RIF1: variants seen among roughly 807,000 people sequenced by gnomAD.
RIF1 encodes replication timing regulatory factor 1.
RIF1 carries 45 observed loss-of-function variants against 247.1 expected under a neutral mutation model. That is an observed-to-expected ratio of 0.18 (90% CI 0.14 to 0.23). The LOEUF is 0.23. RIF1 is among the 10% of genes least tolerant of loss of function. The pLI, the probability that RIF1 is intolerant of heterozygous loss-of-function variation, is 1.00. For synonymous variants in RIF1, 1,087 were observed against 978.8 expected (o/e 1.11, Z -2.06); for missense variants, 2,967 against 2,862.5 (o/e 1.04, Z -0.83).
rs755969700 is a variant in RIF1, at chr2:151,464,887, T to C, written c.5367T>C (p.Asp1789=). The C allele has an allele frequency of 1.5e-5, 24 of 1,592,968 alleles. No homozygotes were observed. In the East Asian group the frequency reaches 5.4e-4, roughly 36 times the overall value. The part of the protein sequence containing the change: ...ANPYSEGQFL[D]EHHSVNFHLG... Reference sequence around the variant, plus strand: ...CATATTCTGAAGGACAATTTTTAGATGAACATCATAGTGTGAATTTTCATT... The same window carrying C: ...CATATTCTGAAGGACAATTTTTAGACGAACATCATAGTGTGAATTTTCATT... Residue 1789 remains aspartate, a synonymous_variant, in exon 30 of 36, where the codon GAT becomes GAC. Coordinates refer to ENST00000444746, the MANE Select transcript of RIF1 (RefSeq NM_018151.5).
At position 151,493,741 on chromosome 2, in the gene RIF1, G is replaced by C. The variant is rs756558819; in HGVS notation, c.*416-1488G>C. The C allele has an allele frequency of 1.7e-5, 25 of 1,444,216 alleles. No individual in the cohort carries two copies. In the South Asian group the frequency reaches 2.7e-4, roughly 16 times the overall value. The allele number at this position is 1,444,216 out of a possible 1,614,324, so 89.5% of individuals were successfully genotyped here. On this transcript the variant is annotated intron_variant and NMD_transcript_variant, in intron 9 of 13. Transcript: ENST00000454583. The stretch of plus-strand genomic sequence containing the variant: ...CAACCATGTTTGCCAGGGCTGTTAA[G>C]ATTTTAAGGATTTATTTTTCCTTTC...
At position 151,410,016 on chromosome 2, in the gene RIF1, C is replaced by G. The variant is rs771778484; in HGVS notation, c.-28C>G. ...CTGAGGGGCAGAGGCGGAGAGAACC[C>G]TGTCCTGATCTTCCTAGGTGGGATA... On this transcript the variant is annotated 5_prime_UTR_variant, in exon 1 of 36. Transcript: ENST00000444746. 20 of 702,776 alleles carry G rather than the reference C, an allele frequency of 2.8e-5. No homozygotes were observed. The highest frequency in any genetic ancestry group is 2.7e-4 in the South Asian group (18 of 67,588). The allele number at this position is 702,776 out of a possible 1,614,324, so 43.5% of individuals were successfully genotyped here. A position where few individuals can be genotyped will look rare whatever the true frequency, so the allele number is the denominator to read the frequency against.
intron 8 of RIF1, chr2:151,423,333 TA>T (rs1296282374): frequency 1.1e-5 from 3 of 265,684 alleles, no homozygotes; most frequent in Non-Finnish European, 2.1e-5. Flanking sequence ...TCTCATACCT[TA>T]AACAGGTGTC....
At chr2:151,504,055 A>G (rs2066900703) in intron 12 of RIF1, among the ~76,000 whole-genome samples, 1 of 152,158 alleles carries the variant, frequency 6.6e-6, no homozygotes, top group Non-Finnish European at 1.5e-5. Context: ...ATTTTTTAGT[A>G]GTAGTATCTA....
rs781352814 is a variant in RIF1 at position 151,463,371 on chromosome 2, C to G, written c.3851C>G (p.Thr1284Ser). Residue 1284 changes from threonine (T) to serine (S), a missense_variant, in exon 30 of 36, where the codon ACT becomes AGT. Thr to Ser is a moderately conservative substitution (Grantham distance 58). Transcript: ENST00000444746. ...KSDSEKIVNG[T>S]KRSSRRAGKA... ...GATTCTGAAAAAATAGTGAATGGAA[C>G]TAAGAGATCAAGCCGGAGAGCTGGT... 1 of 1,613,880 alleles carries G rather than the reference C, an allele frequency of 6.2e-7. No individual in the cohort carries two copies.
chr2:151,500,122 A>G (rs1238050906), intron 11 of RIF1, among the ~76,000 whole-genome samples: 5 of 152,142 alleles, frequency 3.3e-5, no homozygotes, highest in African/African-American at 4.8e-5. Context: ...AACAATGAGT[A>G]TAACATTCCA....
Position 151,481,290 on chromosome 2 carries a change from TCTC to T in RIF1, c.*6222_*6224del, listed in dbSNP as rs1350135938. ...TACCCCTGTGTTTTCCAGAATGGCT[TCTC>T]CTGATTTTACTTACGTGTTTTACTA... On this transcript the variant is annotated 3_prime_UTR_variant, in exon 36 of 36. Coordinates refer to ENST00000444746, the MANE Select transcript of RIF1 (RefSeq NM_018151.5). 1.3e-5 allele frequency: 2 copies of T among 152,226 alleles called. No homozygotes were observed. Among genetic ancestry groups the T allele is most frequent in the Non-Finnish European group, 2.9e-5 (2 of 68,034 alleles). The allele number at this position is 152,226 out of a possible 1,614,324, so 9.4% of individuals were successfully genotyped here. A position where few individuals can be genotyped will look rare whatever the true frequency, so the allele number is the denominator to read the frequency against.
At chr2:151,505,696 A>C in intron 12 of RIF1, 1 of 760,302 alleles carries the variant, frequency 1.3e-6, no homozygotes, top group Non-Finnish European at 2.3e-6. Flanking sequence ...CGCAGGCTTT[A>C]TACTTAGTGT....
chr2:151,465,462 C>T lies in RIF1; in HGVS notation c.5942C>T (p.Pro1981Leu). ...ATTAGTCTTTCTGATAATACTACAC[C>T]TGTAAAATTGAATGCTCAAACTGAG... ...SDISLSDNTT[P>L]VKLNAQTEIS... The change falls in exon 30 of 36, where the codon CCT (proline) becomes CTT (leucine). Residue 1981 changes from proline to leucine, a missense_variant. By Grantham distance (98) the Pro-to-Leu change is moderately conservative. This residue lies in a region of RIF1 where 2,028 missense variants were observed against 1,825.6 expected (regional missense o/e 1.11). Coordinates refer to ENST00000444746, the MANE Select transcript of RIF1 (RefSeq NM_018151.5). 2 of 1,613,948 alleles carry T rather than the reference C, an allele frequency of 1.2e-6. No individual in the cohort carries two copies. The highest frequency in any genetic ancestry group is 2.2e-5 in the East Asian group (1 of 44,872).
At position 151,501,397 on chromosome 2, in the gene RIF1, A is replaced by AAAG. The variant is rs1553568381; in HGVS notation, c.*710-1636_*710-1634dup. The AAAG allele has an allele frequency of 6.5e-7, 1 of 1,547,322 alleles. No homozygotes were observed. Among genetic ancestry groups the AAAG allele is most frequent in the African/African-American group, 1.4e-5 (1 of 73,080 alleles). On this transcript the variant is annotated intron_variant and NMD_transcript_variant, in intron 11 of 13. Coordinates refer to the RIF1 transcript ENST00000454583. ...AGAGCTTTCTCCCAAATACCGAGCTAAAGTTTTCTTGATTGAGTTTGACTC... is the reference window on the plus strand; with the variant it reads ...AGAGCTTTCTCCCAAATACCGAGCTAAAGAAGTTTTCTTGATTGAGTTTGACTC...
At chr2:151,454,025 C>T (rs1451070247) in intron 21 of RIF1, among the ~76,000 whole-genome samples, 1 of 152,156 alleles carries the variant, frequency 6.6e-6, no homozygotes, top group African/African-American at 2.4e-5. Context: ...GTCACCTCAC[C>T]TCAGCATTCT....
intron 8 of RIF1, among the ~76,000 whole-genome samples, chr2:151,424,601 G>A (rs1688688981): frequency 6.6e-6 from 1 of 151,982 alleles, no homozygotes; most frequent in African/African-American, 2.4e-5. Context: ...TCAGTTTTTT[G>A]GGTATATGCT....
rs752529011 is a variant in RIF1 at position 151,492,428 on chromosome 2, C to T, written c.*416-2801C>T. ...TGGGTCTCCCTCACCCGTCTCATCT[C>T]GGGGGTATCCAATACATAGGCAGCT... On this transcript the variant is annotated intron_variant and NMD_transcript_variant, in intron 9 of 13. Coordinates refer to the RIF1 transcript ENST00000454583. 42 of 1,611,932 alleles carry T rather than the reference C, an allele frequency of 2.6e-5. No individual in the cohort carries two copies. Among genetic ancestry groups the T allele is most frequent in the Non-Finnish European group, 3.4e-5 (40 of 1,179,040 alleles).
chr2:151,467,173 G>A (rs998660141), intron 30 of RIF1, among the ~76,000 whole-genome samples: 1 of 151,948 alleles, frequency 6.6e-6, no homozygotes, highest in Non-Finnish European at 1.5e-5. Flanking sequence ...AGGTCGCAGT[G>A]AGCTGAGATT....
intron 7 of RIF1, among the ~76,000 whole-genome samples, chr2:151,422,576 T>C (rs760929815): frequency 2.0e-5 from 3 of 151,962 alleles, no homozygotes; most frequent in Non-Finnish European, 4.4e-5. Context: ...TTCTGCTCTC[T>C]GCAACCTCCA....
downstream of RIF1, chr2:151,485,870 C>T (rs745444923): frequency 6.2e-7 from 1 of 1,613,986 alleles, no homozygotes; most frequent in South Asian, 1.1e-5. Context: ...ATGGCATCTC[C>T]ATCCTTGAAG....
chr2:151,413,392 A>G (rs1686627865), intron 3 of RIF1, among the ~76,000 whole-genome samples: 1 of 152,204 alleles, frequency 6.6e-6, no homozygotes. Flanking sequence ...ATTTGGATGC[A>G]CATGGAAGGT....
At position 151,465,611 on chromosome 2, in the gene RIF1, G is replaced by T. The variant is rs1380690483; in HGVS notation, c.6091G>T (p.Ala2031Ser). 6.2e-7 allele frequency: 1 copy of T among 1,613,838 alleles called. No homozygotes were observed. Among genetic ancestry groups the T allele is most frequent in the East Asian group, 2.2e-5 (1 of 44,890 alleles). ...NEEMMIGEAM[A>S]ETGHDGETEN... ...AGAAATGATGATCGGCGAGGCAATG[G>T]CTGAAACTGGCCATGATGGTGAAAC... The change falls in exon 30 of 36, where the codon GCT becomes TCT. Residue 2031 changes from alanine (A) to serine (S), a missense_variant. Around this residue, in one of 7 missense-constraint regions of RIF1, gnomAD observed 2,028 missense variants for 1,825.6 expected, o/e 1.11. Coordinates refer to ENST00000444746, the MANE Select transcript of RIF1 (RefSeq NM_018151.5).
chr2:151,410,357 C>T, intron 1 of RIF1, 57 bp from the exon 2 acceptor site: 1 of 1,437,778 alleles, frequency 7.0e-7, no homozygotes, highest in Non-Finnish European at 9.6e-7. Flanking sequence ...CACTGGGCCG[C>T]CGCGGGGCTG....
Sources: allele counts gnomAD v4.1 joint callset (sites outside exome capture counted in the v4.1 genomes callset), GRCh38; gene constraint gnomAD v4.1.1; regional missense constraint gnomAD v4.1.1; transcripts MANE v1.5; gene names NCBI Gene and HGNC (gene_info 2026-07-23, HGNC 2026-07-21).